TMEM132D: variants seen among roughly 807,000 people sequenced by gnomAD.
TMEM132D encodes mature OL transmembrane protein.
TMEM132D carries 21 observed loss-of-function variants against 62.3 expected under a neutral mutation model. The observed-to-expected ratio is 0.34, with a 90% CI of 0.24 to 0.49. TMEM132D has a LOEUF of 0.49. Among genes scored for constraint, TMEM132D ranks in the 20% least tolerant of loss-of-function variants. The probability of loss-of-function intolerance (pLI) is 0.99; values close to 1 mark genes in which losing one functional copy is unlikely to be tolerated. For missense variants in TMEM132D, 1,346 were observed against 1,402.8 expected (o/e 0.96, Z 0.65); for synonymous variants, 621 against 575.6 (o/e 1.08, Z -1.13).
chr12:129,820,514 GTTAT>G (rs1341535967), intron 1 of TMEM132D, among the ~76,000 whole-genome samples: 2 of 152,154 alleles, frequency 1.3e-5, no homozygotes, highest in Non-Finnish European at 2.9e-5. Context: ...CAGACACAAG[GTTAT>G]TTGAGTGGAG....
chr12:129,452,659 T>C (rs4759572), intron 3 of TMEM132D, among the ~76,000 whole-genome samples: 93,008 of 151,656 alleles, frequency 0.61, 31,084 homozygotes, highest in South Asian at 0.85. Context: ...ATCCATGGCT[T>C]CTGGTGAGAG....
chr12:129,207,013 T>C (rs1471629959), intron 5 of TMEM132D, among the ~76,000 whole-genome samples: 1 of 152,148 alleles, frequency 6.6e-6, no homozygotes, highest in African/African-American at 2.4e-5. Context: ...GCTTATTACC[T>C]GGGTGATGAA....
At chr12:129,231,035 T>C (rs1223565202) in intron 4 of TMEM132D, among the ~76,000 whole-genome samples, 1 of 152,260 alleles carries the variant, frequency 6.6e-6, no homozygotes, top group Non-Finnish European at 1.5e-5. Flanking sequence ...CTTGTTTATT[T>C]ACTCCATAGC....
At chr12:129,703,278 C>G (rs537409611) in intron 1 of TMEM132D, among the ~76,000 whole-genome samples, 1 of 152,304 alleles carries the variant, frequency 6.6e-6, no homozygotes, top group Admixed American at 6.5e-5. Flanking sequence ...GCAATGACAT[C>G]GGGTCCTATG....
At chr12:129,550,329 C>T (rs1052339539) in intron 2 of TMEM132D, among the ~76,000 whole-genome samples, 1 of 152,134 alleles carries the variant, frequency 6.6e-6, no homozygotes, top group Non-Finnish European at 1.5e-5. Flanking sequence ...AATTCCTCTG[C>T]CTTTACAACT....
At chr12:129,645,945 T>A (rs966323035) in intron 2 of TMEM132D, among the ~76,000 whole-genome samples, 1 of 151,988 alleles carries the variant, frequency 6.6e-6, no homozygotes, top group Non-Finnish European at 1.5e-5. Flanking sequence ...CTCCCCTCCC[T>A]CCCCCAGAAA....
chr12:129,796,319 A>G (rs1871559333), intron 1 of TMEM132D, among the ~76,000 whole-genome samples: 2 of 152,084 alleles, frequency 1.3e-5, no homozygotes, highest in South Asian at 2.1e-4. Flanking sequence ...ATTTGTTCCA[A>G]TTTTTGTTTT....
In TMEM132D at chr12:129,246,603, A is replaced by G. The variant is rs1593310409; in HGVS notation, c.1300-36940T>C. 4.6e-5 allele frequency among the ~76,000 whole-genome samples: 7 copies of G among 152,224 alleles called. 2 individuals carry two copies. Among genetic ancestry groups the G allele is most frequent in the Admixed American group, 4.6e-4 (7 of 15,282 alleles). ...AACACCTGTCTCTTCTAAAAATACA[A>G]AAATGAGCCGGATGTGGTGGTGCAT... On this transcript the variant is annotated intron_variant, in intron 4 of 8. Transcript: ENST00000422113.
intron 1 of TMEM132D, among the ~76,000 whole-genome samples, chr12:129,773,723 G>A (rs188374616): frequency 7.9e-5 from 12 of 152,280 alleles, no homozygotes; most frequent in Non-Finnish European, 1.5e-4. Flanking sequence ...ATAAGAGCAC[G>A]TCACTGGATG....
chr12:129,564,995 C>T (rs1877330539), intron 2 of TMEM132D, among the ~76,000 whole-genome samples: 1 of 152,192 alleles, frequency 6.6e-6, no homozygotes, highest in Non-Finnish European at 1.5e-5. Context: ...CCAAATGTCC[C>T]TTAAGATGCC....
chr12:129,826,617 C>T (rs922844840), intron 1 of TMEM132D, among the ~76,000 whole-genome samples: 4 of 152,120 alleles, frequency 2.6e-5, no homozygotes, highest in East Asian at 3.9e-4. Flanking sequence ...GATAACGACC[C>T]GGTCAGGAAA....
At chr12:129,858,887 C>T (rs541026131) in intron 1 of TMEM132D, among the ~76,000 whole-genome samples, 2 of 124,216 alleles carry the variant, frequency 1.6e-5, no homozygotes, top group South Asian at 2.5e-4. Context: ...GATGGGTGCC[C>T]TTATAACAGA....
In TMEM132D at chr12:129,699,705, G is replaced by C. The variant is rs550639366; in HGVS notation, c.968+105C>G. On this transcript the variant is annotated intron_variant, in intron 2 of 8. Coordinates refer to ENST00000422113, the MANE Select transcript of TMEM132D (RefSeq NM_133448.3). The stretch of plus-strand genomic sequence containing the variant: ...GGAGTTTGTAAGAACGGGAAGGCCG[G>C]CTCTACTTCGGTGAGCGATAACACA... The C allele has an allele frequency of 8.5e-6, 12 of 1,413,206 alleles. No homozygotes were observed. The East Asian group carries it at 2.8e-4, about 33-fold the overall frequency. The allele number at this position is 1,413,206 out of a possible 1,614,324, so 87.5% of individuals were successfully genotyped here. A position where few individuals can be genotyped will look rare whatever the true frequency, so the allele number is the denominator to read the frequency against.
rs12322307 is a variant in TMEM132D at position 129,103,371 on chromosome 12, T to C, written c.1444-18669A>G. 3.5e-3 allele frequency among the ~76,000 whole-genome samples: 540 copies of C among 152,236 alleles called. 1 individual carries two copies. Among genetic ancestry groups the C allele is most frequent in the African/African-American group, 0.012 (497 of 41,560 alleles). On this transcript the variant is annotated intron_variant, in intron 5 of 8. Coordinates refer to ENST00000422113, the MANE Select transcript of TMEM132D (RefSeq NM_133448.3). ...GCTCATTTCACTCCCTCATGGACAA[T>C]ACCATCAGCCAGCCCATGCCCCCAC...
At chr12:129,782,682 G>T (rs1212358625) in intron 1 of TMEM132D, among the ~76,000 whole-genome samples, 1 of 152,198 alleles carries the variant, frequency 6.6e-6, no homozygotes, top group Non-Finnish European at 1.5e-5. Flanking sequence ...TCACACAGGT[G>T]TATTTCTGAT....
intron 3 of TMEM132D, among the ~76,000 whole-genome samples, chr12:129,387,871 A>C (rs1871157674): frequency 1.1e-5 from 1 of 92,612 alleles, no homozygotes; most frequent in Non-Finnish European, 2.3e-5. Flanking sequence ...CCAATCCAGC[A>C]CTGATAATAA....
At chr12:129,454,236 A>T (rs962886747) in intron 3 of TMEM132D, among the ~76,000 whole-genome samples, 1 of 152,220 alleles carries the variant, frequency 6.6e-6, no homozygotes, top group African/African-American at 2.4e-5. Flanking sequence ...AGACTACACT[A>T]TGGAATTATG....
intron 2 of TMEM132D, among the ~76,000 whole-genome samples, chr12:129,546,905 T>C (rs1434818068): frequency 2.0e-5 from 3 of 152,168 alleles, no homozygotes; most frequent in African/African-American, 7.2e-5. Context: ...CTTAGAACCA[T>C]CTATTTCCAT....
At chr12:129,357,721 T>G (rs1408595864) in intron 3 of TMEM132D, among the ~76,000 whole-genome samples, 1 of 152,082 alleles carries the variant, frequency 6.6e-6, no homozygotes, top group Non-Finnish European at 1.5e-5. Context: ...AGGAGGCCAT[T>G]ATTTCAGGTC....
Sources: allele counts gnomAD v4.1 joint callset (sites outside exome capture counted in the v4.1 genomes callset), GRCh38; gene constraint gnomAD v4.1.1; transcripts MANE v1.5; gene names NCBI Gene and HGNC (gene_info 2026-07-23, HGNC 2026-07-21).